The following CRACD variants were observed in gnomAD, a reference collection of about 807,000 sequenced individuals.
CRACD encodes capping protein inhibiting regulator of actin dynamics.
Under a neutral mutation model 106.8 loss-of-function variants are expected in CRACD, and 56 were observed. The observed-to-expected ratio is 0.52, with a 90% CI of 0.42 to 0.66. The LOEUF is 0.66. Ranked by LOEUF, CRACD falls within the 30% of genes least tolerant of loss-of-function variation. CRACD has a pLI of 0.00. For synonymous variants in CRACD, 754 were observed against 670.8 expected, an observed-to-expected ratio of 1.12 and a Z score of -1.92; for missense variants, 1,730 against 1,623.2, an observed-to-expected ratio of 1.07 and a Z score of -1.13.
At chr4:56,308,155 T>C (rs192695994) in intron 5 of CRACD, among the ~76,000 whole-genome samples, 59 of 152,330 alleles carry the variant, frequency 3.9e-4, no homozygotes, top group Admixed American at 7.8e-4. Context: ...AGCCACTGCC[T>C]GCTTTGCAGT....
At chr4:56,230,524 G>A (rs1026796016) in intron 2 of CRACD, among the ~76,000 whole-genome samples, 6 of 152,134 alleles carry the variant, frequency 3.9e-5, no homozygotes, top group African/African-American at 1.4e-4. Flanking sequence ...AGAAGGTCTA[G>A]TTCTGCGCTA....
chr4:56,086,838 C>T (rs1333330756), intron 1 of CRACD, among the ~76,000 whole-genome samples: 1 of 152,112 alleles, frequency 6.6e-6, no homozygotes, highest in Non-Finnish European at 1.5e-5. Flanking sequence ...CCTAGAACCA[C>T]TTTGAACACA....
intron 1 of CRACD, among the ~76,000 whole-genome samples, chr4:56,072,114 C>G (rs528658940): frequency 5.2e-5 from 7 of 134,158 alleles, no homozygotes; most frequent in Non-Finnish European, 1.1e-4. Flanking sequence ...GGCGACAGAG[C>G]GAGACTCCGT....
At position 56,197,368 on chromosome 4, in the gene CRACD, T is replaced by TA. The variant is rs944586645; in HGVS notation, c.-189+17946dup. ...ATTCAGAGCAGAGTTTCTCTCCCTT[T>TA]AAAAAAAATAGTAGGTTGAAAATAG... On this transcript the variant is annotated intron_variant, in intron 2 of 10. Transcript: ENST00000682029. Among the ~76,000 whole-genome samples, 10 of 151,978 alleles carry TA rather than the reference T, an allele frequency of 6.6e-5. 1 individual carries two copies. Among genetic ancestry groups the TA allele is most frequent in the African/African-American group, 1.7e-4 (7 of 41,476 alleles).
chr4:56,191,849 G>T (rs1349345965), intron 2 of CRACD, among the ~76,000 whole-genome samples: 1 of 152,172 alleles, frequency 6.6e-6, no homozygotes, highest in East Asian at 1.9e-4. Context: ...AGTAACCTTG[G>T]CAGTGATAAT....
intron 3 of CRACD, among the ~76,000 whole-genome samples, chr4:56,285,637 C>T (rs1364246672): frequency 6.6e-6 from 1 of 152,004 alleles, no homozygotes; most frequent in Admixed American, 6.6e-5. Flanking sequence ...GAGACAGGGT[C>T]TTGTAGTGTT....
intron 1 of CRACD, among the ~76,000 whole-genome samples, chr4:56,100,252 G>A (rs918942730): frequency 6.6e-6 from 1 of 152,046 alleles, no homozygotes; most frequent in African/African-American, 2.4e-5. Flanking sequence ...TGCGGGGACG[G>A]GGGGGAAGGG....
chr4:56,125,130 C>G (rs890195069), intron 1 of CRACD, among the ~76,000 whole-genome samples: 3 of 152,154 alleles, frequency 2.0e-5, no homozygotes, highest in African/African-American at 7.2e-5. Context: ...TTGTGTGATA[C>G]TTTGGGACCA....
intron 2 of CRACD, among the ~76,000 whole-genome samples, chr4:56,229,947 A>T (rs1394064281): frequency 6.6e-6 from 1 of 152,242 alleles, no homozygotes; most frequent in Non-Finnish European, 1.5e-5. Context: ...TAAAACTTTG[A>T]GCAAATATTA....
chr4:56,087,125 G>T (rs1733256166), intron 1 of CRACD, among the ~76,000 whole-genome samples: 1 of 152,036 alleles, frequency 6.6e-6, no homozygotes, highest in Admixed American at 6.6e-5. Context: ...AACTCTCCCT[G>T]CCTCAGCCTC....
intron 1 of CRACD, among the ~76,000 whole-genome samples, chr4:56,090,302 T>C (rs929098985): frequency 6.6e-6 from 1 of 152,150 alleles, no homozygotes; most frequent in African/African-American, 2.4e-5. Flanking sequence ...CTGGCACCCC[T>C]TTTCTAGGAA....
At chr4:56,171,765 T>C (rs928794450) in intron 1 of CRACD, among the ~76,000 whole-genome samples, 2 of 152,126 alleles carry the variant, frequency 1.3e-5, no homozygotes, top group Non-Finnish European at 2.9e-5. Flanking sequence ...TTATAAGATC[T>C]AGGGGCGGTG....
intron 1 of CRACD, among the ~76,000 whole-genome samples, chr4:56,057,809 T>TTTTG (rs1560438198): frequency 5.0e-5 from 3 of 60,578 alleles, no homozygotes; most frequent in Non-Finnish European, 9.1e-5. Flanking sequence ...ATTTTTTTTT[T>TTTTG]TTTTGTTTTT....
intron 2 of CRACD, among the ~76,000 whole-genome samples, chr4:56,260,773 T>A (rs1410392048): frequency 1.3e-5 from 2 of 152,222 alleles, no homozygotes; most frequent in Admixed American, 6.5e-5. Flanking sequence ...TTCTTCCTGA[T>A]AATTTTGCCC....
At chr4:56,298,139 T>A (rs781154010) in intron 3 of CRACD, 75 bp from the exon 4 acceptor site, 37 of 1,494,582 alleles carry the variant, frequency 2.5e-5, no homozygotes, top group Non-Finnish European at 2.7e-5. Flanking sequence ...GTCCCTCCAA[T>A]CAGGAATAAT....
chr4:56,209,707 A>G (rs1450547739), intron 2 of CRACD, among the ~76,000 whole-genome samples: 1 of 152,202 alleles, frequency 6.6e-6, no homozygotes. Context: ...AGGTTTGGTA[A>G]TTAATGTTTT....
chr4:56,117,834 T>G (rs1474800325), intron 1 of CRACD, among the ~76,000 whole-genome samples: 1 of 151,482 alleles, frequency 6.6e-6, no homozygotes, highest in African/African-American at 2.4e-5. Flanking sequence ...CTCGGCTCAC[T>G]GCAACCTCCA....
chr4:56,070,024 C>T (rs1458109772), intron 1 of CRACD, among the ~76,000 whole-genome samples: 1 of 152,160 alleles, frequency 6.6e-6, no homozygotes, highest in African/African-American at 2.4e-5. Context: ...GATAAGGAAA[C>T]GGAGAGTCAG....
rs576961169 is a variant in CRACD at position 56,318,950 on chromosome 4, C to A, written c.3187+2261C>A. ...GGTGCTATTTTTTATTCTCTTTGGC[C>A]AACTTCTTCTTGGATATGATTTCTT... On this transcript the variant is annotated intron_variant, in intron 8 of 10. Transcript: ENST00000682029. Among the ~76,000 whole-genome samples the A allele has an allele frequency of 2.0e-5, 3 of 152,226 alleles. 1 individual carries two copies. The South Asian group carries it at 6.2e-4, about 32-fold the overall frequency.
Sources: allele counts gnomAD v4.1 joint callset (sites outside exome capture counted in the v4.1 genomes callset), GRCh38; gene constraint gnomAD v4.1.1; transcripts MANE v1.5; gene names NCBI Gene and HGNC (gene_info 2026-07-23, HGNC 2026-07-21).